ITSN1: variants seen among roughly 807,000 people sequenced by gnomAD.
The protein encoded by ITSN1 is intersectin-1.
A neutral mutation model predicts 239.8 loss-of-function variants in ITSN1; 58 were observed. The observed-to-expected ratio is 0.24, with a 90% CI of 0.20 to 0.30. The LOEUF is 0.30. Ranked by LOEUF, ITSN1 falls within the 10% of genes least tolerant of loss-of-function variation. ITSN1 has a pLI of 1.00. For missense variants in ITSN1, 1,558 were observed against 2,103.3 expected (o/e 0.74, Z 5.07); for synonymous variants, 780 against 770.8 (o/e 1.01, Z -0.20).
At chr21:33,871,638 G>A (rs1982754906) in intron 33 of ITSN1, among the ~76,000 whole-genome samples, 1 of 151,934 alleles carries the variant, frequency 6.6e-6, no homozygotes, top group African/African-American at 2.4e-5. Flanking sequence ...CTACTCAGGA[G>A]GCTGAGGCAG....
At position 33,882,866 on chromosome 21, in the gene ITSN1, G is replaced by A. The variant is rs917891761; in HGVS notation, c.4554+411G>A. 4.6e-5 allele frequency among the ~76,000 whole-genome samples: 7 copies of A among 152,136 alleles called. No individual in the cohort carries two copies. Among genetic ancestry groups the A allele is most frequent in the Non-Finnish European group, 8.8e-5 (6 of 68,032 alleles). ...CTTCTCCAGGTAGCTTGAAACATCC[G>A]AGCCCCCTCCTTTCTAGCAAAGTCT... On this transcript the variant is annotated intron_variant, in intron 35 of 39. Transcript: ENST00000381318. This position sits in a 1 kb window ranked among gnomAD's most constrained non-coding sequence, Gnocchi z 4.5.
intron 21 of ITSN1, among the ~76,000 whole-genome samples, chr21:33,812,999 T>C (rs1602388098): frequency 6.6e-6 from 1 of 152,040 alleles, no homozygotes; most frequent in East Asian, 1.9e-4. Flanking sequence ...TTTTTCTCAT[T>C]TAACTATTGT....
At chr21:33,859,666 T>C (rs186104649) in intron 31 of ITSN1, among the ~76,000 whole-genome samples, 42 of 152,338 alleles carry the variant, frequency 2.8e-4, no homozygotes, top group South Asian at 4.1e-4. Context: ...ATTTCCTAAA[T>C]GTGGTCTCTG....
chr21:33,650,193 C>T (rs909938648), intron 1 of ITSN1, among the ~76,000 whole-genome samples: 2 of 152,288 alleles, frequency 1.3e-5, no homozygotes, highest in Non-Finnish European at 2.9e-5. Context: ...ATGTGTTCCT[C>T]CTTGCATTAT....
At chr21:33,674,140 G>C (rs2090459351) in intron 1 of ITSN1, among the ~76,000 whole-genome samples, 1 of 152,108 alleles carries the variant, frequency 6.6e-6, no homozygotes, top group Admixed American at 6.5e-5. Flanking sequence ...ACTGTTGAAG[G>C]CTTGCCATGT....
chr21:33,811,360 C>G (rs1371175030), intron 21 of ITSN1, 138 bp downstream of exon 21: 1 of 743,878 alleles, frequency 1.3e-6, no homozygotes, highest in Non-Finnish European at 2.1e-6. Flanking sequence ...ACTCCTTTCT[C>G]TAGCTGGCGA....
At chr21:33,825,174 A>G (rs1157787541) in intron 25 of ITSN1, among the ~76,000 whole-genome samples, 1 of 152,206 alleles carries the variant, frequency 6.6e-6, no homozygotes, top group Non-Finnish European at 1.5e-5. Context: ...AACCATCCGA[A>G]ATAAATTTTA....
chr21:33,871,551 G>C (rs989152085), intron 33 of ITSN1, among the ~76,000 whole-genome samples: 1 of 152,232 alleles, frequency 6.6e-6, no homozygotes, highest in African/African-American at 2.4e-5. Flanking sequence ...AGATCATCCT[G>C]GCCAACATGG....
intron 1 of ITSN1, among the ~76,000 whole-genome samples, chr21:33,702,815 C>T (rs1015968565): frequency 1.3e-4 from 20 of 152,268 alleles, no homozygotes; most frequent in African/African-American, 4.3e-4. Flanking sequence ...CGGTGGCTCA[C>T]GCCTGTAATC....
rs376858445 is a variant in ITSN1 at position 33,767,723 on chromosome 21, T to C, written c.937T>C (p.Ser313Pro). ...YIPPSFRRVR[S>P]GSGISVISST... is the part of the protein sequence containing the mutation. Reference sequence around the variant, plus strand: ...TCCCCGCAATTGCAGAAGAGTTCGATCTGGCAGTGGTATATCTGTCATAAG... The same window carrying C: ...TCCCCGCAATTGCAGAAGAGTTCGACCTGGCAGTGGTATATCTGTCATAAG... The change falls in exon 11 of 40, where the codon TCT becomes CCT. Residue 313 changes from serine (S) to proline (P), a missense_variant. Transcript: ENST00000381318. 1 of 1,603,378 alleles carries C rather than the reference T, an allele frequency of 6.2e-7. No individual in the cohort carries two copies. Among genetic ancestry groups the C allele is most frequent in the Admixed American group, 1.7e-5 (1 of 59,218 alleles).
Position 33,698,484 on chromosome 21 carries a change from T to C in ITSN1, c.-32-20313T>C, listed in dbSNP as rs188906968. Among the ~76,000 whole-genome samples the C allele has an allele frequency of 1.3e-3, 205 of 152,350 alleles. 1 individual carries two copies. Among genetic ancestry groups the C allele is most frequent in the African/African-American group, 4.8e-3 (198 of 41,580 alleles). On this transcript the variant is annotated intron_variant, in intron 1 of 39. Coordinates refer to ENST00000381318, the MANE Select transcript of ITSN1 (RefSeq NM_003024.3). ...CAGTTTTAGTAATAAGATTCTTCTTTTTATCAGGTTCTTTATCCTTTATGC... is the reference window on the plus strand; with the variant it reads ...CAGTTTTAGTAATAAGATTCTTCTTCTTATCAGGTTCTTTATCCTTTATGC...
intron 7 of ITSN1, among the ~76,000 whole-genome samples, chr21:33,753,718 C>T (rs912329466): frequency 3.0e-5 from 4 of 131,404 alleles, no homozygotes; most frequent in African/African-American, 6.0e-5. Flanking sequence ...GCTGAGATCG[C>T]GGCATTGCAT....
intron 1 of ITSN1, among the ~76,000 whole-genome samples, chr21:33,661,627 C>G (rs145273142): frequency 6.6e-6 from 1 of 152,142 alleles, no homozygotes; most frequent in Non-Finnish European, 1.5e-5. Context: ...TGTGTCCCCA[C>G]CCAAATCTCA....
intron 4 of ITSN1, among the ~76,000 whole-genome samples, chr21:33,724,097 T>TTC (rs2065671038): frequency 6.6e-6 from 1 of 150,542 alleles, no homozygotes; most frequent in African/African-American, 2.4e-5. Flanking sequence ...GTGTGTGTGT[T>TTC]TGTGTGTGTG....
intron 5 of ITSN1, among the ~76,000 whole-genome samples, chr21:33,745,639 T>C (rs2067134274): frequency 6.6e-6 from 1 of 152,152 alleles, no homozygotes; most frequent in South Asian, 2.1e-4. Flanking sequence ...TTAGCAGTCT[T>C]AACTGCTGTC....
At position 33,803,623 on chromosome 21, in the gene ITSN1, T is replaced by C. The variant is rs770874135; in HGVS notation, c.2319+1179T>C. Among the ~76,000 whole-genome samples, 21 of 152,364 alleles carry C rather than the reference T, an allele frequency of 1.4e-4. No individual in the cohort carries two copies. The East Asian group carries it at 2.9e-3, about 21-fold the overall frequency. ...ATGTATAGTTAACAGTTTTGAAATA[T>C]ATATATCAAACTGTTAACAATGGTT... On this transcript the variant is annotated intron_variant, in intron 20 of 39. Transcript: ENST00000381318.
chr21:33,886,210 T>TAAA, intron 38 of ITSN1, 77 bp from the exon 39 acceptor site: 124 of 1,000,668 alleles, frequency 1.2e-4, no homozygotes, highest in Middle Eastern at 2.9e-4. Context: ...AGAATCCATC[T>TAAA]AAAAAAAAAA....
At chr21:33,684,953 A>G (rs973423610) in intron 1 of ITSN1, among the ~76,000 whole-genome samples, 1 of 152,196 alleles carries the variant, frequency 6.6e-6, no homozygotes, top group African/African-American at 2.4e-5. Flanking sequence ...CTTTCTGTCT[A>G]ACCTTTTATT....
At chr21:33,874,277 A>G (rs1348942269) in intron 33 of ITSN1, among the ~76,000 whole-genome samples, 2 of 151,200 alleles carry the variant, frequency 1.3e-5, no homozygotes, top group African/African-American at 4.9e-5. Context: ...CTTAGCCACC[A>G]CCCCAAATGG....
Sources: gnomAD v4.1 joint callset for allele counts (sites outside exome capture counted in the v4.1 genomes callset) on GRCh38, gnomAD v4.1.1 for gene constraint, Gnocchi (gnomAD v3.1) non-coding constraint, MANE v1.5 for transcripts, NCBI Gene and HGNC (gene_info 2026-07-23, HGNC 2026-07-21) for gene names.